The following CADM1 variants were observed in gnomAD, a reference collection of about 807,000 sequenced individuals.
CADM1 encodes TSLC-1.
In CADM1, 15 loss-of-function variants were observed where a neutral mutation model predicts 53.1. That is an observed-to-expected ratio of 0.28 (90% CI 0.19 to 0.44). The LOEUF is 0.44. CADM1 is among the 20% of genes least tolerant of loss of function. The pLI is 1.00. For synonymous variants in CADM1, 281 were observed against 243.0 expected, an observed-to-expected ratio of 1.16 and a Z score of -1.45; for missense variants, 434 against 611.3, an observed-to-expected ratio of 0.71 and a Z score of 3.06.
intron 1 of CADM1, among the ~76,000 whole-genome samples, chr11:115,435,472 C>G (rs1031766180): frequency 8.5e-5 from 13 of 152,148 alleles, no homozygotes; most frequent in Non-Finnish European, 1.5e-4. Context: ...GTGGCTCACT[C>G]CTGTAATCCC....
At chr11:115,179,596 A>T (rs1939213191) in intron 10 of CADM1, among the ~76,000 whole-genome samples, 1 of 152,216 alleles carries the variant, frequency 6.6e-6, no homozygotes, top group Admixed American at 6.5e-5. Flanking sequence ...ATTTTAATTT[A>T]GGAATGTGGC....
At chr11:115,374,617 A>G (rs1323461234) in intron 1 of CADM1, among the ~76,000 whole-genome samples, 3 of 152,170 alleles carry the variant, frequency 2.0e-5, no homozygotes, top group Admixed American at 2.0e-4. Context: ...TTATATACCT[A>G]CCTATGAAGT....
At chr11:115,502,327 C>CTTTTTTTT (rs11358670) in intron 1 of CADM1, among the ~76,000 whole-genome samples, 6 of 52,378 alleles carry the variant, frequency 1.1e-4, no homozygotes, top group African/African-American at 3.2e-4. Context: ...CGCCCCCCGG[C>CTTTTTTTT]TTTTTTTTTT....
At chr11:115,247,688 T>C (rs1052057263) in intron 1 of CADM1, among the ~76,000 whole-genome samples, 15 of 152,196 alleles carry the variant, frequency 9.9e-5, no homozygotes, top group African/African-American at 3.4e-4. Context: ...GCAAATAACA[T>C]GAAGACCCAT....
At chr11:115,465,360 T>A (rs532313182) in intron 1 of CADM1, among the ~76,000 whole-genome samples, 1 of 152,304 alleles carries the variant, frequency 6.6e-6, no homozygotes, top group East Asian at 1.9e-4. Flanking sequence ...AACTTACTGG[T>A]TCTAGATAGC....
At chr11:115,262,558 C>CA (rs1943007686) in intron 1 of CADM1, among the ~76,000 whole-genome samples, 1 of 152,186 alleles carries the variant, frequency 6.6e-6, no homozygotes, top group Non-Finnish European at 1.5e-5. Flanking sequence ...CCACCCTAGG[C>CA]TGTGATACAG....
chr11:115,357,017 A>G lies in CADM1; in HGVS notation c.125-116597T>C, dbSNP rs919583910. The stretch of plus-strand genomic sequence containing the variant: ...CTTTTTGGAATTTTAATACTGGCTT[A>G]CAAAAATCAACTGTCTTTTAGAGGA... On this transcript the variant is annotated intron_variant, in intron 1 of 11. Coordinates refer to ENST00000331581, the MANE Select transcript of CADM1 (RefSeq NM_001301043.2). Among the ~76,000 whole-genome samples, 10 of 152,214 alleles carry G rather than the reference A, an allele frequency of 6.6e-5. No individual in the cohort carries two copies. In the East Asian group the frequency reaches 1.7e-3, roughly 26 times the overall value.
chr11:115,207,370 G>A (rs1369622519), intron 8 of CADM1: 2 of 152,310 alleles, frequency 1.3e-5, no homozygotes, highest in Admixed American at 1.3e-4. Flanking sequence ...TACCTTTGAT[G>A]TGGACAGAAA....
intron 1 of CADM1, among the ~76,000 whole-genome samples, chr11:115,264,734 C>A (rs78880275): frequency 5.3e-5 from 8 of 152,248 alleles, no homozygotes; most frequent in Admixed American, 5.2e-4. Flanking sequence ...TATTAAGAAC[C>A]ATTGTAACTG....
chr11:115,241,358 GT>G (rs1387847178), intron 1 of CADM1, among the ~76,000 whole-genome samples: 2 of 152,212 alleles, frequency 1.3e-5, no homozygotes, highest in African/African-American at 4.8e-5. Context: ...AGAAGTATAT[GT>G]TGTCCTAGCC....
chr11:115,388,448 A>C (rs1219441172), intron 1 of CADM1, among the ~76,000 whole-genome samples: 2 of 152,180 alleles, frequency 1.3e-5, no homozygotes, highest in Non-Finnish European at 2.9e-5. Context: ...GCATGCTCTT[A>C]AAGTGCCTTC....
chr11:115,463,955 G>C (rs1273781185), intron 1 of CADM1, among the ~76,000 whole-genome samples: 4 of 151,844 alleles, frequency 2.6e-5, no homozygotes, highest in Non-Finnish European at 2.9e-5. Context: ...CCCAATTTTG[G>C]CCCAATTGCC....
chr11:115,412,978 C>A (rs1330337499), intron 1 of CADM1, among the ~76,000 whole-genome samples: 5 of 152,180 alleles, frequency 3.3e-5, no homozygotes, highest in Admixed American at 1.3e-4. Context: ...AAGATAAATT[C>A]TCACTGCAAT....
At chr11:115,389,365 G>T (rs1369828384) in intron 1 of CADM1, among the ~76,000 whole-genome samples, 1 of 152,188 alleles carries the variant, frequency 6.6e-6, no homozygotes, top group South Asian at 2.1e-4. Flanking sequence ...TAACATACAC[G>T]GTGTTCCTAA....
At chr11:115,308,194 G>GTATATATATATA (rs560354243) in intron 1 of CADM1, among the ~76,000 whole-genome samples, 4 of 123,964 alleles carry the variant, frequency 3.2e-5, no homozygotes, top group African/African-American at 1.2e-4. Context: ...TCATAGGTGT[G>GTATATATATATA]TATATATATA....
intron 1 of CADM1, among the ~76,000 whole-genome samples, chr11:115,327,858 TTGTC>T (rs1188939603): frequency 6.6e-6 from 1 of 152,200 alleles, no homozygotes; most frequent in Non-Finnish European, 1.5e-5. Context: ...ATGTTAGCGC[TTGTC>T]TGTCTTTGGG....
At chr11:115,202,527 T>TA (rs915059211) in intron 8 of CADM1, among the ~76,000 whole-genome samples, 1 of 152,120 alleles carries the variant, frequency 6.6e-6, no homozygotes, top group Non-Finnish European at 1.5e-5. Flanking sequence ...AGGTGTACAT[T>TA]AAAAAAATGC....
intron 7 of CADM1, among the ~76,000 whole-genome samples, chr11:115,212,836 T>C (rs1056442773): frequency 3.3e-5 from 5 of 152,226 alleles, no homozygotes; most frequent in Admixed American, 6.5e-5. Flanking sequence ...CCTGGTGTTA[T>C]TGTGGAGATT....
chr11:115,223,974 AGAGAG>A (rs1426566215), intron 5 of CADM1, among the ~76,000 whole-genome samples: 1 of 1,708 alleles, frequency 5.9e-4, no homozygotes, highest in Admixed American at 5.9e-3. Context: ...AAAAAAAAAA[AGAGAG>A]AGAGAGAGAG....
Sources: gnomAD v4.1 joint callset for allele counts (sites outside exome capture counted in the v4.1 genomes callset) on GRCh38, gnomAD v4.1.1 for gene constraint, MANE v1.5 for transcripts, NCBI Gene and HGNC (gene_info 2026-07-23, HGNC 2026-07-21) for gene names.